Variants in FRMD4A observed in about 807,000 individuals in gnomAD.
FRMD4A encodes the protein FERM domain-containing protein 4A.
FRMD4A carries 29 observed loss-of-function variants against 129.1 expected under a neutral mutation model. The ratio of observed to expected loss-of-function variants is 0.22; its 90% CI spans 0.17 to 0.31. FRMD4A has a LOEUF of 0.31. Among genes scored for constraint, FRMD4A ranks in the 10% least tolerant of loss-of-function variants. The probability of loss-of-function intolerance (pLI) is 1.00; values close to 1 mark genes in which losing one functional copy is unlikely to be tolerated. For synonymous variants in FRMD4A, 634 were observed against 571.6 expected (o/e 1.11, Z -1.56); for missense variants, 1,272 against 1,375.8 (o/e 0.92, Z 1.19).
rs112958111 is a variant in FRMD4A at position 14,155,501 on chromosome 10, CG to C, written c.45+174556del. Among the ~76,000 whole-genome samples, 1,360 of 152,172 alleles carry C rather than the reference CG, an allele frequency of 8.9e-3. 18 individuals carry two copies. The highest frequency in any genetic ancestry group is 0.031 in the African/African-American group (1,285 of 41,502). On this transcript the variant is annotated intron_variant, in intron 2 of 24. Coordinates refer to ENST00000357447, the MANE Select transcript of FRMD4A (RefSeq NM_018027.5). Reference sequence around the variant, plus strand: ...TTAGCGTCTGTCCCTTCCCATGTGGCGATTCTCCTTCCTCAATAGCCATAAA... The same window carrying C: ...TTAGCGTCTGTCCCTTCCCATGTGGCATTCTCCTTCCTCAATAGCCATAAA...
At chr10:14,236,382 A>T (rs550211190) in intron 2 of FRMD4A, among the ~76,000 whole-genome samples, 1 of 152,288 alleles carries the variant, frequency 6.6e-6, no homozygotes, top group East Asian at 1.9e-4. Flanking sequence ...TTGAACTGGG[A>T]GTGAGACTAG....
intron 15 of FRMD4A, 144 bp downstream of exon 15, chr10:13,693,754 C>A: frequency 1.2e-6 from 1 of 854,792 alleles, no homozygotes; most frequent in Non-Finnish European, 1.9e-6. Context: ...GCATTTGGAT[C>A]CCAACCTTGG....
At chr10:13,746,016 G>A (rs1308823609) in intron 9 of FRMD4A, among the ~76,000 whole-genome samples, 1 of 152,174 alleles carries the variant, frequency 6.6e-6, no homozygotes, top group Non-Finnish European at 1.5e-5. Context: ...TTTGCTCTTT[G>A]GGGGCAGGTT....
rs181813828 is a variant in FRMD4A at position 13,795,473 on chromosome 10, T to C, written c.299+1023A>G. On this transcript the variant is annotated intron_variant, in intron 5 of 24. Coordinates refer to ENST00000357447, the MANE Select transcript of FRMD4A (RefSeq NM_018027.5). Reference sequence around the variant, plus strand: ...TAACTCTTGTTTGAAGCCCTTCTAATGCCTTGTGTGGCTTAAGGATGCCTA... The same window carrying C: ...TAACTCTTGTTTGAAGCCCTTCTAACGCCTTGTGTGGCTTAAGGATGCCTA... 2.4e-4 allele frequency among the ~76,000 whole-genome samples: 36 copies of C among 152,382 alleles called. No individual in the cohort carries two copies. In the East Asian group the frequency reaches 6.7e-3, roughly 29 times the overall value.
chr10:14,124,979 G>T (rs1838752253), intron 2 of FRMD4A, among the ~76,000 whole-genome samples: 1 of 152,180 alleles, frequency 6.6e-6, no homozygotes, highest in Non-Finnish European at 1.5e-5. Flanking sequence ...AGAAGATAGT[G>T]CTTCCTTTGA....
At position 13,713,442 on chromosome 10, in the gene FRMD4A, T is replaced by G. The variant is rs11815955; in HGVS notation, c.760-6329A>C. Reference sequence around the variant, plus strand: ...ATTAGACTCATGGACAGGAATAATCTCCAAGCTCAGAAGAAAACATACAAA... The same window carrying G: ...ATTAGACTCATGGACAGGAATAATCGCCAAGCTCAGAAGAAAACATACAAA... On this transcript the variant is annotated intron_variant, in intron 12 of 24. Transcript: ENST00000357447. 8.1e-3 allele frequency among the ~76,000 whole-genome samples: 1,226 copies of G among 152,286 alleles called. 18 individuals are homozygous for G. The highest frequency in any genetic ancestry group is 0.028 in the African/African-American group (1,172 of 41,550).
intron 2 of FRMD4A, among the ~76,000 whole-genome samples, chr10:13,921,321 G>A (rs1297627351): frequency 2.1e-5 from 2 of 95,384 alleles, no homozygotes; most frequent in African/African-American, 8.2e-5. Context: ...GGAGTGGAGT[G>A]TGCAATCATG....
At chr10:13,678,427 A>G (rs2134745770) in intron 15 of FRMD4A, among the ~76,000 whole-genome samples, 1 of 152,348 alleles carries the variant, frequency 6.6e-6, no homozygotes, top group South Asian at 2.1e-4. Context: ...AGAGGGTAAA[A>G]CAGATCTGAG....
In FRMD4A at chr10:14,025,694, C is replaced by T. The variant is rs78688348; in HGVS notation, c.46-166782G>A. Among the ~76,000 whole-genome samples the T allele has an allele frequency of 9.1e-3, 1,379 of 152,296 alleles. 26 individuals are homozygous for T. The highest frequency in any genetic ancestry group is 0.032 in the African/African-American group (1,314 of 41,556). On this transcript the variant is annotated intron_variant, in intron 2 of 24. Transcript: ENST00000357447. ...ATTAAACAATAACTCCATTTCTCCC[C>T]TCCCACAGCTGCCTGGCCATCATCA...
intron 9 of FRMD4A, 147 bp from the exon 10 acceptor site, chr10:13,740,724 T>A: frequency 1.7e-6 from 1 of 575,070 alleles, no homozygotes; most frequent in Non-Finnish European, 3.1e-6. Context: ...TGGAGTGGTA[T>A]TTCCAAACTC....
intron 2 of FRMD4A, among the ~76,000 whole-genome samples, chr10:13,980,179 G>C (rs747229286): frequency 1.3e-5 from 2 of 152,112 alleles, no homozygotes; most frequent in Admixed American, 1.3e-4. Flanking sequence ...TTCTCAAGGG[G>C]AAAAAGAAAG....
intron 6 of FRMD4A, among the ~76,000 whole-genome samples, chr10:13,782,463 G>A (rs1374505331): frequency 9.0e-6 from 1 of 111,300 alleles, no homozygotes; most frequent in African/African-American, 3.4e-5. Flanking sequence ...TTTTTTTTTT[G>A]AGATGGAGTC....
chr10:13,890,999 C>T, intron 2 of FRMD4A: 2 of 229,742 alleles, frequency 8.7e-6, no homozygotes, highest in Non-Finnish European at 1.4e-5. Context: ...GGTGCAGCAC[C>T]GGGAATCTTT....
At position 14,058,528 on chromosome 10, in the gene FRMD4A, G is replaced by A. The variant is rs966659988; in HGVS notation, c.46-199616C>T. ...CATATGCAAGACTCCATTTTCCATA[G>A]TGTGGTAAAAACTAGAAAAAAATGA... is the stretch of plus-strand genomic sequence containing the variant. On this transcript the variant is annotated intron_variant, in intron 2 of 24. Coordinates refer to ENST00000357447, the MANE Select transcript of FRMD4A (RefSeq NM_018027.5). Among the ~76,000 whole-genome samples, 6 of 152,142 alleles carry A rather than the reference G, an allele frequency of 3.9e-5. 1 individual carries two copies. Among genetic ancestry groups the A allele is most frequent in the Non-Finnish European group, 8.8e-5 (6 of 68,040 alleles).
At position 13,975,637 on chromosome 10, in the gene FRMD4A, G is replaced by A. The variant is rs536630318; in HGVS notation, c.46-116725C>T. 3.3e-5 allele frequency among the ~76,000 whole-genome samples: 5 copies of A among 151,876 alleles called. No individual in the cohort carries two copies. The East Asian group carries it at 9.7e-4, about 29-fold the overall frequency. On this transcript the variant is annotated intron_variant, in intron 2 of 24. Coordinates refer to ENST00000357447, the MANE Select transcript of FRMD4A (RefSeq NM_018027.5). The stretch of plus-strand genomic sequence containing the variant: ...TCTATGTGTGTGTCTATCCATGTGT[G>A]TGTGAATCTCTATGTGTGTTTGTGT...
At chr10:14,130,086 C>T (rs1839162421) in intron 2 of FRMD4A, among the ~76,000 whole-genome samples, 1 of 152,150 alleles carries the variant, frequency 6.6e-6, no homozygotes, top group Non-Finnish European at 1.5e-5. Flanking sequence ...CCCAAGGTTC[C>T]CAGCCTCCTG....
chr10:14,080,604 T>C (rs1314144808), intron 2 of FRMD4A, among the ~76,000 whole-genome samples: 3 of 151,914 alleles, frequency 2.0e-5, no homozygotes, highest in African/African-American at 7.3e-5. Flanking sequence ...CAGATGGCCT[T>C]TTGGATCCTG....
chr10:14,020,312 G>T (rs898728206), intron 2 of FRMD4A, among the ~76,000 whole-genome samples: 2 of 152,164 alleles, frequency 1.3e-5, no homozygotes, highest in Admixed American at 1.3e-4. Flanking sequence ...ATCTCATCTT[G>T]CAGAAGCCTT....
At chr10:13,972,001 C>T in intron 2 of FRMD4A, 2 of 1,179,878 alleles carry the variant, frequency 1.7e-6, no homozygotes, top group South Asian at 3.2e-5. Context: ...AGACTGCTTT[C>T]CTTCAAGGAT....
Sources: gnomAD v4.1 joint callset for allele counts (sites outside exome capture counted in the v4.1 genomes callset) on GRCh38, gnomAD v4.1.1 for gene constraint, MANE v1.5 for transcripts, NCBI Gene and HGNC (gene_info 2026-07-23, HGNC 2026-07-21) for gene names.